Variants in CNGB3 observed in about 807,000 individuals in gnomAD.
CNGB3 encodes the protein cyclic nucleotide gated channel subunit beta 3.
Under a neutral mutation model 92.8 loss-of-function variants are expected in CNGB3, and 86 were observed. That is an observed-to-expected ratio of 0.93 (90% CI 0.78 to 1.11). CNGB3 has a LOEUF of 1.11. Ranked by LOEUF, CNGB3 falls within the 50% of genes least tolerant of loss-of-function variation. CNGB3 has a pLI of 0.00. For synonymous variants in CNGB3, 333 were observed against 332.7 expected, an observed-to-expected ratio of 1.00 and a Z score of -0.01; for missense variants, 1,026 against 956.8, an observed-to-expected ratio of 1.07 and a Z score of -0.95.
chr8:86,592,853 C>T (rs1358010784), intron 15 of CNGB3, among the ~76,000 whole-genome samples: 1 of 152,000 alleles, frequency 6.6e-6, no homozygotes, highest in African/African-American at 2.4e-5. Context: ...CCTGTGTAGA[C>T]TTTTTCTGAG....
chr8:86,581,409 C>T (rs986446648), intron 15 of CNGB3, among the ~76,000 whole-genome samples: 6 of 152,154 alleles, frequency 3.9e-5, no homozygotes, highest in African/African-American at 1.4e-4. Context: ...CCACCAGGAA[C>T]CTCATCAGGT....
intron 13 of CNGB3, among the ~76,000 whole-genome samples, chr8:86,624,930 C>T (rs1343638566): frequency 1.3e-5 from 2 of 152,162 alleles, no homozygotes; most frequent in African/African-American, 2.4e-5. Flanking sequence ...AGTGAGTTCT[C>T]ATAATATCTG....
chr8:86,676,580 A>C (rs549627439), intron 3 of CNGB3, among the ~76,000 whole-genome samples: 13 of 152,298 alleles, frequency 8.5e-5, no homozygotes, highest in Non-Finnish European at 1.3e-4. Flanking sequence ...TGCAGTAAGG[A>C]GGAAGTGTGA....
chr8:86,644,645 T>C lies in CNGB3; in HGVS notation c.1032A>G (p.Ile344Met), dbSNP rs1460716980. The change falls in exon 9 of 18, where the codon ATA (isoleucine) becomes ATG (methionine). Residue 344 changes from isoleucine to methionine, a missense_variant. Ile to Met is a conservative substitution (Grantham distance 10). Transcript: ENST00000320005. ...FFEFNHHLES[I>M]MDKAYIYRVI... The stretch of plus-strand genomic sequence containing the variant: ...ACCTGTAGATATATGCTTTGTCCAT[T>C]ATAGACTCTAGGTGATGATTAAATT... The C allele has an allele frequency of 1.3e-6, 2 of 1,599,542 alleles. No homozygotes were observed. The highest frequency in any genetic ancestry group is 1.7e-6 in the Non-Finnish European group (2 of 1,170,450).
At chr8:86,697,035 C>G (rs1357049373) in intron 3 of CNGB3, among the ~76,000 whole-genome samples, 1 of 139,098 alleles carries the variant, frequency 7.2e-6, no homozygotes, top group African/African-American at 2.8e-5. Context: ...TAAAAAGAGA[C>G]AGGAAGGAAG....
chr8:86,576,083 T>C lies in CNGB3; in HGVS notation c.2151A>G (p.Glu717=). The C allele has an allele frequency of 6.2e-7, 1 of 1,603,396 alleles. No homozygotes were observed. Among genetic ancestry groups the C allele is most frequent in the Non-Finnish European group, 8.5e-7 (1 of 1,175,510 alleles). ...EGGEEEGKEN[E]DKQKENEDKQ... The stretch of plus-strand genomic sequence containing the variant: ...TATCTTCATTTTCTTTTTGTTTATC[T>C]TCATTTTCTTTTCCTTCTTCCTCTC... Residue 717 remains glutamate, a synonymous_variant, in exon 18 of 18, where the codon GAA becomes GAG. Transcript: ENST00000320005.
chr8:86,634,068 A>T (rs1823015558), intron 10 of CNGB3, among the ~76,000 whole-genome samples: 1 of 152,176 alleles, frequency 6.6e-6, no homozygotes, highest in Admixed American at 6.6e-5. Flanking sequence ...ACCAGATAGG[A>T]ACAGGATGAG....
chr8:86,669,921 G>A (rs1823821732), intron 4 of CNGB3, among the ~76,000 whole-genome samples: 2 of 151,818 alleles, frequency 1.3e-5, no homozygotes, highest in African/African-American at 4.8e-5. Context: ...CGCAATCTTG[G>A]CTCACTGCAA....
At chr8:86,646,340 A>C (rs1207100378) in intron 8 of CNGB3, among the ~76,000 whole-genome samples, 1 of 150,906 alleles carries the variant, frequency 6.6e-6, no homozygotes, top group Non-Finnish European at 1.5e-5. Flanking sequence ...AGAACCTCTG[A>C]AGTTTAAATA....
chr8:86,590,918 A>G (rs986519675), intron 15 of CNGB3, among the ~76,000 whole-genome samples: 2 of 151,294 alleles, frequency 1.3e-5, no homozygotes, highest in Non-Finnish European at 3.0e-5. Context: ...TCTCCTGGAT[A>G]ATATCCTGCA....
intron 15 of CNGB3, chr8:86,594,415 C>T: frequency 3.5e-6 from 1 of 286,388 alleles, no homozygotes; most frequent in South Asian, 3.4e-5. Flanking sequence ...CGTGCTTGCT[C>T]CTGACGAAAT....
chr8:86,633,400 G>C (rs1823000711), intron 10 of CNGB3, among the ~76,000 whole-genome samples: 1 of 152,144 alleles, frequency 6.6e-6, no homozygotes, highest in Non-Finnish European at 1.5e-5. Context: ...ATCCTGAGCT[G>C]GGAAGATTGG....
chr8:86,742,526 T>G (rs536027659), intron 1 of CNGB3, among the ~76,000 whole-genome samples: 1 of 152,290 alleles, frequency 6.6e-6, no homozygotes, highest in South Asian at 2.1e-4. Flanking sequence ...CCCGAACCAT[T>G]GGACTATGCT....
At chr8:86,690,515 T>C (rs1182492480) in intron 3 of CNGB3, among the ~76,000 whole-genome samples, 1 of 152,240 alleles carries the variant, frequency 6.6e-6, no homozygotes, top group African/African-American at 2.4e-5. Flanking sequence ...GGTTGCCTAT[T>C]CACTCTGATG....
At chr8:86,720,111 CA>C (rs1824937620) in intron 3 of CNGB3, among the ~76,000 whole-genome samples, 1 of 152,094 alleles carries the variant, frequency 6.6e-6, no homozygotes, top group Non-Finnish European at 1.5e-5. Flanking sequence ...ACCAAGAACC[CA>C]AAAGCAAATG....
At chr8:86,684,620 A>G (rs1824147201) in intron 3 of CNGB3, among the ~76,000 whole-genome samples, 2 of 151,790 alleles carry the variant, frequency 1.3e-5, no homozygotes, top group Admixed American at 1.3e-4. Flanking sequence ...GTGAATGGTT[A>G]AACTGTGGTA....
In CNGB3 at chr8:86,655,445, C is replaced by T. The variant is rs368517171; in HGVS notation, c.853-1383G>A. ...ACTCTGTTCAGCATTTCCTCAAATG[C>T]GTCAGAGGGATGCCTTTGCCCATGC... On this transcript the variant is annotated intron_variant, in intron 6 of 17. Transcript: ENST00000320005. Among the ~76,000 whole-genome samples, 32 of 152,290 alleles carry T rather than the reference C, an allele frequency of 2.1e-4. No homozygotes were observed. The East Asian group carries it at 4.2e-3, about 20-fold the overall frequency.
At chr8:86,738,669 C>G (rs1030808399) in intron 2 of CNGB3, among the ~76,000 whole-genome samples, 1 of 117,000 alleles carries the variant, frequency 8.5e-6, no homozygotes, top group Non-Finnish European at 1.7e-5. Context: ...GAAACCCCGT[C>G]TCTACTAAAA....
At chr8:86,722,047 ATGAG>A (rs1563766428) in intron 3 of CNGB3, among the ~76,000 whole-genome samples, 1 of 152,194 alleles carries the variant, frequency 6.6e-6, no homozygotes, top group African/African-American at 2.4e-5. Flanking sequence ...TCTCAGTATT[ATGAG>A]TAACAATGGT....
Sources: allele counts gnomAD v4.1 joint callset (sites outside exome capture counted in the v4.1 genomes callset), GRCh38; gene constraint gnomAD v4.1.1; transcripts MANE v1.5; gene names NCBI Gene and HGNC (gene_info 2026-07-23, HGNC 2026-07-21).